Variants in ELAC2 observed in about 807,000 individuals in gnomAD.
ELAC2 encodes elaC ribonuclease Z 2, also known as zinc phosphodiesterase ELAC protein 2.
In ELAC2, 92 loss-of-function variants were observed where a neutral mutation model predicts 105.2. The observed-to-expected ratio is 0.87, with a 90% confidence interval of 0.74 to 1.04. The LOEUF (loss-of-function observed/expected upper bound fraction) is 1.04, where lower values mean the gene tolerates loss of function less well. ELAC2 is among the 50% of genes least tolerant of loss of function. The probability of loss-of-function intolerance (pLI) is 0.00; values close to 1 mark genes in which losing one functional copy is unlikely to be tolerated. For missense variants in ELAC2, 1,099 were observed against 1,071.7 expected (o/e 1.03, Z -0.36); for synonymous variants, 468 against 409.1 (o/e 1.14, Z -1.74).
Position 12,998,402 on chromosome 17 carries a change from A to C in ELAC2, c.1520+10T>G. 6.2e-7 allele frequency: 1 copy of C among 1,612,900 alleles called. No individual in the cohort carries two copies. Among genetic ancestry groups the C allele is most frequent in the Non-Finnish European group, 8.5e-7 (1 of 1,178,824 alleles). On this transcript the variant is annotated intron_variant, in intron 16 of 23. Transcript: ENST00000338034. ...TTGATGGAAGGATGCTTCCTGGGAA[A>C]GCAGCATACCTTATGTTGACAAGTG...
intron 14 of ELAC2, among the ~76,000 whole-genome samples, chr17:13,001,242 C>T (rs2040791141): frequency 6.6e-6 from 1 of 152,156 alleles, no homozygotes; most frequent in Non-Finnish European, 1.5e-5. Context: ...CCTGTAATCC[C>T]AACACTTTGG....
Position 12,993,769 on chromosome 17 carries a change from T to C in ELAC2, c.2171A>G (p.His724Arg), listed in dbSNP as rs755214254. The change falls in exon 23 of 24, where the codon CAC becomes CGC. Residue 724 changes from histidine to arginine, a missense_variant. Transcript: ENST00000338034. Reference protein sequence around the residue: ...RMNAEFIMLNHFSQRYAKVPL... With the variant: ...RMNAEFIMLNRFSQRYAKVPL... ...GACCTTGGCATAGCGCTGGCTGAAG[T>C]GGTTCAGCATAATGAACTCCGCGTT... 2 of 1,614,124 alleles carry C rather than the reference T, an allele frequency of 1.2e-6. No homozygotes were observed. The highest frequency in any genetic ancestry group is 1.7e-6 in the Non-Finnish European group (2 of 1,180,020).
In ELAC2 at chr17:12,992,189, G is replaced by A. The variant is rs900246503; in HGVS notation, c.*629C>T. On this transcript the variant is annotated 3_prime_UTR_variant, in exon 24 of 24. Coordinates refer to ENST00000338034, the MANE Select transcript of ELAC2 (RefSeq NM_018127.7). ...GCCCTGCTGTGAGCTGGCACAGCTC[G>A]AGTTGTCAAAAAGACTTGGCGAATA... Among the ~76,000 whole-genome samples the A allele has an allele frequency of 2.0e-5, 3 of 152,088 alleles. No homozygotes were observed. The highest frequency in any genetic ancestry group is 4.4e-5 in the Non-Finnish European group (3 of 68,024).
rs1159344936 is a variant in ELAC2 at position 13,017,823 on chromosome 17, G to C, written c.125C>G (p.Thr42Arg). ...CCCCGACGGTCCGCGCTTCTCTCGC[G>C]TGCGCAGGTGCCGCAGCGGGTCCTT... Reference protein sequence around the residue: ...PRKDPLRHLRTREKRGPSGCS... With the variant: ...PRKDPLRHLRRREKRGPSGCS... Residue 42 changes from threonine (T) to arginine (R), a missense_variant, in exon 1 of 24, where the codon ACG becomes AGG. Physicochemically the swap from Thr to Arg is moderately conservative, Grantham distance 71. Coordinates refer to ENST00000338034, the MANE Select transcript of ELAC2 (RefSeq NM_018127.7). 2 of 1,594,368 alleles carry C rather than the reference G, an allele frequency of 1.3e-6. No individual in the cohort carries two copies. Among genetic ancestry groups the C allele is most frequent in the East Asian group, 2.3e-5 (1 of 44,062 alleles).
Position 13,013,441 on chromosome 17 carries a change from A to G in ELAC2, c.491-166T>C, listed in dbSNP as rs111718155. Among the ~76,000 whole-genome samples the G allele has an allele frequency of 8.2e-4, 125 of 152,364 alleles. 2 individuals carry two copies. Among genetic ancestry groups the G allele is most frequent in the African/African-American group, 2.9e-3 (121 of 41,592 alleles). On this transcript the variant is annotated intron_variant, in intron 5 of 23. Coordinates refer to ENST00000338034, the MANE Select transcript of ELAC2 (RefSeq NM_018127.7). ...GGAGATTACCATTTTTAGGAAATAAATAAAAGTGTATTTTGGTCAGCCATT... is the reference window on the plus strand; with the variant it reads ...GGAGATTACCATTTTTAGGAAATAAGTAAAAGTGTATTTTGGTCAGCCATT...
intron 22 of ELAC2, 39 bp downstream of exon 22, chr17:12,994,386 A>T: frequency 6.2e-7 from 1 of 1,608,502 alleles, no homozygotes; most frequent in Non-Finnish European, 8.5e-7. Context: ...TGGGGGAGGG[A>T]GAGGATGTGG....
rs2143670362 is a variant in ELAC2, at chr17:13,013,280, A to G, written c.491-5T>C. On this transcript the variant is annotated splice_region_variant and splice_polypyrimidine_tract_variant and intron_variant, in intron 5 of 23. Transcript: ENST00000338034. ...GGGCAGAGTGGGGCCGCACAGCTAC[A>G]AGAAAACCACACAACAGCAAAGTGA... 2 of 1,613,776 alleles carry G rather than the reference A, an allele frequency of 1.2e-6. No individual in the cohort carries two copies. Among genetic ancestry groups the G allele is most frequent in the Non-Finnish European group, 1.7e-6 (2 of 1,179,858 alleles).
At chr17:13,004,078 G>A (rs900970937) in intron 11 of ELAC2, 1 of 189,904 alleles carries the variant, frequency 5.3e-6, no homozygotes, top group Non-Finnish European at 1.1e-5. Flanking sequence ...TTACTAACAT[G>A]CTGATGTGTT....
At position 13,005,903 on chromosome 17, in the gene ELAC2, C is replaced by G; in HGVS notation, c.797+18G>C. The G allele has an allele frequency of 6.2e-7, 1 of 1,614,154 alleles. No individual in the cohort carries two copies. The highest frequency in any genetic ancestry group is 8.5e-7 in the Non-Finnish European group (1 of 1,180,030). The stretch of plus-strand genomic sequence containing the variant: ...GTGTACCCAGTGAGTCCCCAGAAGC[C>G]TTACCCCCCACACTCACACTGGGAG... On this transcript the variant is annotated intron_variant, in intron 9 of 23. Transcript: ENST00000338034.
In ELAC2 at chr17:12,994,411, C is replaced by T. The variant is rs199942266; in HGVS notation, c.2108+14G>A. On this transcript the variant is annotated intron_variant, in intron 22 of 23. Transcript: ENST00000338034. ...AGAGGATGTGGGCGACAAGGACTGA[C>T]CGGCCTTTGCTACCTGTGTGTCTTT... 2,468 of 1,614,182 alleles carry T rather than the reference C, an allele frequency of 1.5e-3. 53 individuals are homozygous for T. The South Asian group carries it at 0.025, about 16-fold the overall frequency.
At chr17:13,002,208 T>C (rs2040846257) in intron 14 of ELAC2, 66 bp downstream of exon 14, 8 of 1,542,306 alleles carry the variant, frequency 5.2e-6, no homozygotes, top group African/African-American at 1.4e-5. Context: ...ATTTACTATG[T>C]GGCTATTTAC....
At chr17:13,006,263 A>T in intron 8 of ELAC2, 1 of 409,286 alleles carries the variant, frequency 2.4e-6, no homozygotes, top group Non-Finnish European at 4.6e-6. Context: ...CCAGCAACTC[A>T]GGAAGCTGAG....
At chr17:12,996,774 A>G (rs2040498920) in intron 16 of ELAC2, 89 bp from the exon 17 acceptor site, 1 of 1,537,942 alleles carries the variant, frequency 6.5e-7, no homozygotes, top group South Asian at 1.2e-5. Context: ...AGGACCAAGA[A>G]GCAACTGCAG....
intron 7 of ELAC2, among the ~76,000 whole-genome samples, chr17:13,011,252 T>C (rs1047721057): frequency 6.6e-6 from 1 of 152,254 alleles, no homozygotes; most frequent in African/African-American, 2.4e-5. Flanking sequence ...CCCAGTGGGC[T>C]GTCATTCTGG....
chr17:13,004,858 A>T, intron 11 of ELAC2, 131 bp downstream of exon 11: 1 of 786,636 alleles, frequency 1.3e-6, no homozygotes, highest in Non-Finnish European at 2.3e-6. Context: ...TTAAGGCAGG[A>T]GTGCCGGCCT....
rs764615178 is a variant in ELAC2, at chr17:12,993,001, T to C, written c.2298A>G (p.Pro766=). 2 of 1,606,162 alleles carry C rather than the reference T, an allele frequency of 1.2e-6. No homozygotes were observed. Among genetic ancestry groups the C allele is most frequent in the African/African-American group, 2.7e-5 (2 of 74,806 alleles). The change falls in exon 24 of 24, where the codon CCA becomes CCG. Residue 766 remains proline, a synonymous_variant. Transcript: ENST00000338034. ...TGTCGCCAGCAAACAGGGCTTTCAG[T>C]GGGGGAATCAGCTTGGGCATTGTTG... ...DFPTMPKLIP[P]LKALFAGDIE...
rs1395830770 is a variant in ELAC2, at chr17:12,991,677, G to A, written c.*1141C>T. On this transcript the variant is annotated 3_prime_UTR_variant, in exon 24 of 24. Transcript: ENST00000338034. ...TCTGTTCTTGCTTTAATAAACCTGCGGGGACATGGCCGTCAATCTCAAATG... is the reference window on the plus strand; with the variant it reads ...TCTGTTCTTGCTTTAATAAACCTGCAGGGACATGGCCGTCAATCTCAAATG... 3 of 202,824 alleles carry A rather than the reference G, an allele frequency of 1.5e-5. No homozygotes were observed. Among genetic ancestry groups the A allele is most frequent in the South Asian group, 1.9e-4 (1 of 5,224 alleles). 12.6% of individuals were successfully genotyped at this position (202,824 alleles called of 1,614,324 possible).
Position 13,017,876 on chromosome 17 carries a change from C to T in ELAC2, c.72G>A (p.Gln24=). ...RTMSQGRTIS[Q]APARRERPRK... ...GCGGCCGCTCGCGGCGGGCGGGTGC[C>T]TGCGATATGGTGCGTCCCTGCGACA... The change falls in exon 1 of 24, where the codon CAG becomes CAA. Residue 24 remains glutamine (Q), a synonymous_variant. Transcript: ENST00000338034. The T allele has an allele frequency of 1.9e-6, 3 of 1,549,518 alleles. No individual in the cohort carries two copies. The South Asian group carries it at 3.5e-5, about 18-fold the overall frequency.
rs374690415 is a variant in ELAC2 at position 12,994,542 on chromosome 17, C to T, written c.2030-39G>A. The stretch of plus-strand genomic sequence containing the variant: ...ACAAGGATCAGGGCAGAGTTCTCTG[C>T]GAGAGCGGCACACAGGCCTCAGTCA... On this transcript the variant is annotated intron_variant, in intron 21 of 23. Coordinates refer to ENST00000338034, the MANE Select transcript of ELAC2 (RefSeq NM_018127.7). 8.7e-6 allele frequency: 14 copies of T among 1,612,532 alleles called. No individual in the cohort carries two copies. In the African/African-American group the frequency reaches 1.2e-4, roughly 14 times the overall value.
Sources: gnomAD v4.1 joint callset for allele counts (sites outside exome capture counted in the v4.1 genomes callset) on GRCh38, gnomAD v4.1.1 for gene constraint, MANE v1.5 for transcripts, NCBI Gene and HGNC (gene_info 2026-07-23, HGNC 2026-07-21) for gene names.